The following PGS1 variants were observed in gnomAD, a reference collection of about 807,000 sequenced individuals.
The protein encoded by PGS1 is phosphatidylglycerophosphate synthase 1, also known as CDP-diacylglycerol--glycerol-3-phosphate 3-phosphatidyltransferase, mitochondrial.
A neutral mutation model predicts 58.3 loss-of-function variants in PGS1; 44 were observed. That is an observed-to-expected ratio of 0.75 (90% CI 0.59 to 0.97). PGS1 has a LOEUF of 0.97. PGS1 is among the 50% of genes least tolerant of loss of function. The pLI is 0.00. For missense variants in PGS1, 684 were observed against 731.1 expected (o/e 0.94, Z 0.74); for synonymous variants, 330 against 311.0 (o/e 1.06, Z -0.64).
At chr17:78,419,712 C>A (rs368416570) in intron 9 of PGS1, 37 bp downstream of exon 9, 2 of 1,608,922 alleles carry the variant, frequency 1.2e-6, no homozygotes, top group Non-Finnish European at 1.7e-6. Context: ...CACGATTTTC[C>A]CGAGAGTTCA....
chr17:78,419,700 A>G (rs780360513), intron 9 of PGS1, 25 bp downstream of exon 9: 1 of 1,611,516 alleles, frequency 6.2e-7, no homozygotes, highest in Admixed American at 1.7e-5. Context: ...ATCACCTCTC[A>G]GCACGATTTT....
chr17:78,383,252 T>TA (rs2082159035), intron 1 of PGS1, among the ~76,000 whole-genome samples: 2 of 48,584 alleles, frequency 4.1e-5, no homozygotes, highest in South Asian at 1.4e-3. Context: ...TTTTCTTTCC[T>TA]TTTTTTTTTT....
Position 78,400,692 on chromosome 17 carries a change from C to T in PGS1, c.717C>T (p.Asp239=), listed in dbSNP as rs752064009. Residue 239 remains aspartate (D), a synonymous_variant, in exon 6 of 10, where the codon GAC becomes GAT. Coordinates refer to ENST00000262764, the MANE Select transcript of PGS1 (RefSeq NM_024419.5). This position sits in a 1 kb window ranked among gnomAD's most constrained non-coding sequence, Gnocchi z 4.4. ...SVILSGANLS[D]SYFTNRQDRY... The stretch of plus-strand genomic sequence containing the variant: ...CTCCCTGTAGTGCAAACCTGAGTGA[C>T]TCCTACTTCACCAACCGCCAGGACC... 3.7e-6 allele frequency: 6 copies of T among 1,613,786 alleles called. No homozygotes were observed. Among genetic ancestry groups the T allele is most frequent in the Non-Finnish European group, 5.1e-6 (6 of 1,179,828 alleles).
intron 1 of PGS1, among the ~76,000 whole-genome samples, chr17:78,390,062 T>TCCCCAGCCCCCGCC (rs1555628294): frequency 7.8e-6 from 1 of 128,606 alleles, no homozygotes; most frequent in African/African-American, 3.0e-5. Flanking sequence ...TGTTGCCTGT[T>TCCCCAGCCCCCGCC]CCCCCGCCCC....
At chr17:78,422,160 GCCCCTGGTGGCTTTAGCT>G (rs776036769) in intron 9 of PGS1, among the ~76,000 whole-genome samples, 43 of 152,252 alleles carry the variant, frequency 2.8e-4, no homozygotes, top group Non-Finnish European at 4.4e-4. Context: ...TTGCCCGGTG[GCCCCTGGTGGCTTTAGCT>G]CCCCTGGTCA....
At chr17:78,415,142 C>T in intron 8 of PGS1, 115 bp downstream of exon 8, 1 of 1,177,238 alleles carries the variant, frequency 8.5e-7, no homozygotes, top group Non-Finnish European at 1.2e-6. Flanking sequence ...GAGTGAGACT[C>T]AGAGCAGAGC....
At chr17:78,414,483 AGT>A (rs2084999718) in intron 7 of PGS1, among the ~76,000 whole-genome samples, 1 of 152,012 alleles carries the variant, frequency 6.6e-6, no homozygotes. Flanking sequence ...GGCAGTTCAG[AGT>A]GGGGTTCGAG....
At chr17:78,391,295 C>T (rs55818563) in intron 1 of PGS1, among the ~76,000 whole-genome samples, 21,978 of 152,104 alleles carry the variant, frequency 0.14, 1,799 homozygotes, top group African/African-American at 0.22. Flanking sequence ...CCCGTCTCTC[C>T]CTGCTCCAGC....
intron 8 of PGS1, among the ~76,000 whole-genome samples, chr17:78,417,466 G>A (rs1277590298): frequency 6.6e-6 from 1 of 152,188 alleles, no homozygotes; most frequent in East Asian, 1.9e-4. Flanking sequence ...GCATGGGACG[G>A]GGGCAGGGGG....
intron 7 of PGS1, among the ~76,000 whole-genome samples, chr17:78,410,719 G>A (rs1320314386): frequency 6.6e-5 from 10 of 152,074 alleles, no homozygotes; most frequent in African/African-American, 1.2e-4. Context: ...TGATCTGCCC[G>A]CCTTGGCCCC....
intron 9 of PGS1, among the ~76,000 whole-genome samples, chr17:78,422,838 G>C (rs1253107596): frequency 6.6e-6 from 1 of 152,182 alleles, no homozygotes; most frequent in Non-Finnish European, 1.5e-5. Context: ...GTTGACACCT[G>C]TAATCCTGGC....
At chr17:78,411,317 G>A (rs897077030) in intron 7 of PGS1, among the ~76,000 whole-genome samples, 10 of 152,180 alleles carry the variant, frequency 6.6e-5, no homozygotes, top group South Asian at 6.2e-4. Flanking sequence ...CAGGAGTGCC[G>A]AGGCCTGGAT....
At chr17:78,411,625 C>T (rs961256732) in intron 7 of PGS1, among the ~76,000 whole-genome samples, 2 of 152,222 alleles carry the variant, frequency 1.3e-5, no homozygotes, top group Non-Finnish European at 2.9e-5. Context: ...CCTCCCCAGG[C>T]TATCGTTCCT....
At chr17:78,402,748 C>T (rs140637814) in intron 6 of PGS1, among the ~76,000 whole-genome samples, 163 of 152,252 alleles carry the variant, frequency 1.1e-3, no homozygotes, top group African/African-American at 3.7e-3. Context: ...CCACTGTGCC[C>T]GGCCTGTTCT....
chr17:78,419,514 C>T (rs1043118091), intron 8 of PGS1, 32 bp from the exon 9 acceptor site: 4 of 1,597,590 alleles, frequency 2.5e-6, no homozygotes, highest in Admixed American at 1.7e-5. Flanking sequence ...GGAGGGGACT[C>T]CTCACTATTC....
intron 9 of PGS1, among the ~76,000 whole-genome samples, chr17:78,422,363 T>TGAATCA (rs1279950052): frequency 6.6e-6 from 1 of 152,230 alleles, no homozygotes; most frequent in East Asian, 1.9e-4. Context: ...AAGATTGTTG[T>TGAATCA]GAATCATTAC....
intron 2 of PGS1, among the ~76,000 whole-genome samples, chr17:78,395,351 G>GT (rs1380869867): frequency 6.6e-6 from 1 of 152,166 alleles, no homozygotes; most frequent in Admixed American, 6.5e-5. Context: ...AAGTTGCTTT[G>GT]TTTTTTCCTT....
intron 7 of PGS1, among the ~76,000 whole-genome samples, chr17:78,405,573 C>CT (rs2084063370): frequency 6.6e-6 from 1 of 152,176 alleles, no homozygotes. Context: ...GGGCAGCTCT[C>CT]TAAGACATGG....
At chr17:78,388,508 T>A (rs915333694) in intron 1 of PGS1, among the ~76,000 whole-genome samples, 7 of 152,178 alleles carry the variant, frequency 4.6e-5, no homozygotes, top group Non-Finnish European at 7.4e-5. Context: ...TAATTTTTTT[T>A]TTTTATTTTT....
Sources: allele counts gnomAD v4.1 joint callset (sites outside exome capture counted in the v4.1 genomes callset), GRCh38; gene constraint gnomAD v4.1.1; non-coding constraint Gnocchi (gnomAD v3.1); transcripts MANE v1.5; gene names NCBI Gene and HGNC (gene_info 2026-07-23, HGNC 2026-07-21).